The following UNC5B variants were observed in gnomAD, a reference collection of about 807,000 sequenced individuals.
UNC5B encodes the protein unc-5 netrin receptor B, also known as netrin receptor UNC5B.
A neutral mutation model predicts 103.7 loss-of-function variants in UNC5B; 56 were observed. That is an observed-to-expected ratio of 0.54 (90% CI 0.44 to 0.67). The LOEUF (loss-of-function observed/expected upper bound fraction) is 0.67, where lower values mean the gene tolerates loss of function less well. Ranked by LOEUF, UNC5B falls within the 30% of genes least tolerant of loss-of-function variation. The probability of loss-of-function intolerance (pLI) is 0.00; values close to 1 mark genes in which losing one functional copy is unlikely to be tolerated. For missense variants in UNC5B, 1,194 were observed against 1,284.5 expected, an observed-to-expected ratio of 0.93 and a Z score of 1.08; for synonymous variants, 577 against 542.0, an observed-to-expected ratio of 1.06 and a Z score of -0.90.
At chr10:71,254,480 G>T (rs1460344311) in intron 1 of UNC5B, among the ~76,000 whole-genome samples, 1 of 152,250 alleles carries the variant, frequency 6.6e-6, no homozygotes, top group Non-Finnish European at 1.5e-5. Context: ...ACGACAGTGT[G>T]GGCCTGGCTT....
chr10:71,284,413 C>T (rs546892510), intron 2 of UNC5B, among the ~76,000 whole-genome samples: 69 of 152,298 alleles, frequency 4.5e-4, no homozygotes, highest in Admixed American at 7.8e-4. Context: ...GCCTGCAGGC[C>T]ACTGAGACCC....
At chr10:71,214,394 C>G (rs1398174981) in intron 1 of UNC5B, among the ~76,000 whole-genome samples, 4 of 151,624 alleles carry the variant, frequency 2.6e-5, no homozygotes, top group Non-Finnish European at 4.4e-5. Flanking sequence ...CAACACTCAA[C>G]CATTTGATCC....
Position 71,291,526 on chromosome 10 carries a change from C to G in UNC5B, c.1389C>G (p.Thr463=). ...CCGTGTATGCCCTGCAGGACTCCACCGACAAAATCCCCATGACCAACTCTC... is the reference window on the plus strand; with the variant it reads ...CCGTGTATGCCCTGCAGGACTCCACGGACAAAATCCCCATGACCAACTCTC... ...RGPVYALQDS[T]DKIPMTNSPL... is the part of the protein sequence containing the mutation. Residue 463 remains threonine, a synonymous_variant, in exon 10 of 17, where the codon ACC becomes ACG. Transcript: ENST00000335350. 1 of 1,614,176 alleles carries G rather than the reference C, an allele frequency of 6.2e-7. No homozygotes were observed. The highest frequency in any genetic ancestry group is 8.5e-7 in the Non-Finnish European group (1 of 1,180,038).
chr10:71,270,239 A>G (rs1337521670), intron 1 of UNC5B, among the ~76,000 whole-genome samples: 1 of 151,774 alleles, frequency 6.6e-6, no homozygotes, highest in African/African-American at 2.4e-5. Flanking sequence ...AATCTCAGAT[A>G]CTTGGGAGGC....
chr10:71,302,245 T>TTC lies in UNC5B; in HGVS notation c.*2979_*2980dup, dbSNP rs1554812082. The TTC allele has an allele frequency of 2.6e-5, 4 of 151,926 alleles. No individual in the cohort carries two copies. The highest frequency in any genetic ancestry group is 2.0e-4 in the East Asian group (1 of 5,128). 9.4% of individuals were successfully genotyped at this position (151,926 alleles called of 1,614,324 possible). A position where few individuals can be genotyped will look rare whatever the true frequency, so the allele number is the denominator to read the frequency against. On this transcript the variant is annotated 3_prime_UTR_variant, in exon 17 of 17. Coordinates refer to ENST00000335350, the MANE Select transcript of UNC5B (RefSeq NM_170744.5). Reference sequence around the variant, plus strand: ...GGTTGCAGGGCCCTTACGCAGGTATTTCTCTCTCTCTCCTCTCTGGGGTGC... The same window carrying TTC: ...GGTTGCAGGGCCCTTACGCAGGTATTTCTCTCTCTCTCTCCTCTCTGGGGTGC...
In UNC5B at chr10:71,280,044, C is replaced by T. The variant is rs146776724; in HGVS notation, c.303C>T (p.Thr101=). 70 of 1,613,380 alleles carry T rather than the reference C, an allele frequency of 4.3e-5. No homozygotes were observed. Among genetic ancestry groups the T allele is most frequent in the East Asian group, 6.7e-5 (3 of 44,890 alleles). Residue 101 remains threonine (T), a splice_region_variant and synonymous_variant, in exon 2 of 17, where the codon ACC becomes ACT. Transcript: ENST00000335350. ...CACAGGAAGGCCTGGATGAGGCCAC[C>T]GGTGAGCCCGCCCCACTTGCCTGGG... The part of the protein sequence containing the change: ...HVTQEGLDEA[T]GLRVREVQIE...
chr10:71,221,161 C>T (rs1226439792), intron 1 of UNC5B, among the ~76,000 whole-genome samples: 2 of 152,158 alleles, frequency 1.3e-5, no homozygotes, highest in Non-Finnish European at 2.9e-5. Context: ...TCTCTCTCAC[C>T]GAAGCCATAA....
At chr10:71,258,371 G>C (rs958754573) in intron 1 of UNC5B, among the ~76,000 whole-genome samples, 7 of 152,208 alleles carry the variant, frequency 4.6e-5, no homozygotes, top group African/African-American at 1.7e-4. Flanking sequence ...GTCCAGGACA[G>C]AAAGAGAGGG....
At chr10:71,283,580 G>A (rs1271846853) in intron 2 of UNC5B, among the ~76,000 whole-genome samples, 5 of 152,226 alleles carry the variant, frequency 3.3e-5, no homozygotes, top group Non-Finnish European at 7.3e-5. Flanking sequence ...TCGTGGCAGG[G>A]AGGAGCAGCT....
Position 71,297,976 on chromosome 10 carries a change from C to T in UNC5B, c.2558C>T (p.Pro853Leu), listed in dbSNP as rs1589210462. ...AGCACTGTCACCACCCAGCTGGGAC[C>T]TTATGCCTTCAAGATCCCACTGTCC... ...PGSTVTTQLG[P>L]YAFKIPLSIR... The change falls in exon 16 of 17, where the codon CCT becomes CTT. Residue 853 changes from proline (P) to leucine (L), a missense_variant. Pro to Leu is a moderately conservative substitution (Grantham distance 98). Transcript: ENST00000335350. 6.2e-7 allele frequency: 1 copy of T among 1,614,024 alleles called. No individual in the cohort carries two copies. The highest frequency in any genetic ancestry group is 1.3e-5 in the African/African-American group (1 of 75,050).
intron 1 of UNC5B, among the ~76,000 whole-genome samples, chr10:71,268,779 G>A (rs1844578539): frequency 6.6e-6 from 1 of 152,206 alleles, no homozygotes; most frequent in Non-Finnish European, 1.5e-5. Flanking sequence ...GTCCTGTCTG[G>A]CCTCGTCCGG....
chr10:71,273,801 A>T (rs1033919969), intron 1 of UNC5B, among the ~76,000 whole-genome samples: 1 of 152,226 alleles, frequency 6.6e-6, no homozygotes, highest in Non-Finnish European at 1.5e-5. Flanking sequence ...ACTGCAAAGG[A>T]GGCTTTGAGC....
chr10:71,263,646 G>T (rs1844463699), intron 1 of UNC5B, among the ~76,000 whole-genome samples: 1 of 152,192 alleles, frequency 6.6e-6, no homozygotes, highest in African/African-American at 2.4e-5. Flanking sequence ...AAAATGCCGA[G>T]TATTTCTCAG....
At chr10:71,249,863 C>T (rs974626388) in intron 1 of UNC5B, among the ~76,000 whole-genome samples, 3 of 152,194 alleles carry the variant, frequency 2.0e-5, no homozygotes, top group Non-Finnish European at 4.4e-5. Context: ...ATCCCAGTGC[C>T]ATGAGGGCTT....
Position 71,295,820 on chromosome 10 carries a change from G to A in UNC5B, c.2185G>A (p.Glu729Lys). 1.2e-6 allele frequency: 2 copies of A among 1,612,316 alleles called. No individual in the cohort carries two copies. The highest frequency in any genetic ancestry group is 1.7e-6 in the Non-Finnish European group (2 of 1,179,778). ...TGCCCCTGGCCCACAGGAGGTGCTG[G>A]AGCTGGAGCGGACTCTGGGCGGATA... is the stretch of plus-strand genomic sequence containing the variant. ...DTPVALKEVLELERTLGGYLV... is the reference protein window; with the variant it reads ...DTPVALKEVLKLERTLGGYLV... Residue 729 changes from glutamate to lysine, a missense_variant, in exon 14 of 17, where the codon GAG becomes AAG. Coordinates refer to ENST00000335350, the MANE Select transcript of UNC5B (RefSeq NM_170744.5).
Position 71,279,883 on chromosome 10 carries a change from C to T in UNC5B, c.142C>T (p.Pro48Ser), listed in dbSNP as rs1364970761. The change falls in exon 2 of 17, where the codon CCC (proline) becomes TCC (serine). Residue 48 changes from proline (P) to serine (S), a missense_variant. Physicochemically the swap from Pro to Ser is moderately conservative, Grantham distance 74. Transcript: ENST00000335350. ...SFPSAPAEPL[P>S]YFLQEPQDAY... Reference sequence around the variant, plus strand: ...CCCGTCAGCGCCAGCAGAGCCGCTGCCCTACTTCCTGCAGGAGCCACAGGA... The same window carrying T: ...CCCGTCAGCGCCAGCAGAGCCGCTGTCCTACTTCCTGCAGGAGCCACAGGA... 11 of 1,613,966 alleles carry T rather than the reference C, an allele frequency of 6.8e-6. No individual in the cohort carries two copies. Among genetic ancestry groups the T allele is most frequent in the Non-Finnish European group, 9.3e-6 (11 of 1,179,986 alleles).
intron 1 of UNC5B, among the ~76,000 whole-genome samples, chr10:71,261,076 G>A (rs1463847482): frequency 6.6e-6 from 1 of 152,204 alleles, no homozygotes; most frequent in Non-Finnish European, 1.5e-5. Flanking sequence ...TTCCATTTGG[G>A]AAGCCCATAA....
chr10:71,221,773 A>G (rs903676792), intron 1 of UNC5B, among the ~76,000 whole-genome samples: 13 of 152,308 alleles, frequency 8.5e-5, no homozygotes, highest in Middle Eastern at 3.4e-3. Context: ...CAGGCTGTGC[A>G]GTCACATTAC....
intron 1 of UNC5B, among the ~76,000 whole-genome samples, chr10:71,241,042 T>G (rs1439552404): frequency 6.6e-6 from 1 of 152,222 alleles, no homozygotes; most frequent in Non-Finnish European, 1.5e-5. Flanking sequence ...AGCCTACATG[T>G]ATGCCAGGAA....
Sources: gnomAD v4.1 joint callset for allele counts (sites outside exome capture counted in the v4.1 genomes callset) on GRCh38, gnomAD v4.1.1 for gene constraint, MANE v1.5 for transcripts, NCBI Gene and HGNC (gene_info 2026-07-23, HGNC 2026-07-21) for gene names.